Variants in RASAL2 observed in about 807,000 individuals in gnomAD.
RASAL2 encodes RAS protein activator like 2.
In RASAL2, 58 loss-of-function variants were observed where a neutral mutation model predicts 128.9. That is an observed-to-expected ratio of 0.45 (90% CI 0.36 to 0.56). The LOEUF is 0.56. Ranked by LOEUF, RASAL2 falls within the 20% of genes least tolerant of loss-of-function variation. The pLI is 0.00. For synonymous variants in RASAL2, 561 were observed against 580.8 expected (o/e 0.97, Z 0.49); for missense variants, 1,360 against 1,601.6 (o/e 0.85, Z 2.57).
At chr1:178,105,829 C>T (rs112490502) in intron 1 of RASAL2, among the ~76,000 whole-genome samples, 4 of 152,006 alleles carry the variant, frequency 2.6e-5, no homozygotes, top group African/African-American at 4.8e-5. Flanking sequence ...TGCACCACTG[C>T]GCCCAGCTAG....
chr1:178,430,238 A>C (rs1405173716), intron 5 of RASAL2, among the ~76,000 whole-genome samples: 1 of 152,102 alleles, frequency 6.6e-6, no homozygotes, highest in African/African-American at 2.4e-5. Context: ...CTCAGAAATT[A>C]CTGGACTCCA....
chr1:178,309,562 T>C (rs1668142129), intron 3 of RASAL2, among the ~76,000 whole-genome samples: 1 of 152,168 alleles, frequency 6.6e-6, no homozygotes, highest in Middle Eastern at 3.2e-3. Context: ...TTTGGAAGGA[T>C]GTATGTGGTA....
chr1:178,134,413 G>A (rs1050408450), intron 1 of RASAL2, among the ~76,000 whole-genome samples: 4 of 144,952 alleles, frequency 2.8e-5, no homozygotes, highest in South Asian at 2.2e-4. Flanking sequence ...AGCCGTGATC[G>A]TGGCATGGCA....
At chr1:178,373,560 A>C (rs1671838328) in intron 3 of RASAL2, among the ~76,000 whole-genome samples, 1 of 152,012 alleles carries the variant, frequency 6.6e-6, no homozygotes, top group Non-Finnish European at 1.5e-5. Flanking sequence ...CCAATCACTT[A>C]GACTCTACTA....
chr1:178,246,967 C>T (rs1032070679), intron 1 of RASAL2, among the ~76,000 whole-genome samples: 4 of 152,106 alleles, frequency 2.6e-5, no homozygotes, highest in African/African-American at 9.7e-5. Context: ...AATCAGTTTG[C>T]CAGTATTTTA....
At position 178,477,348 on chromosome 1, in the gene RASAL2, A is replaced by T. The variant is rs927835217; in HGVS notation, c.*4109A>T. ...AAAAGCAAGAAATGTTGGAGTGTTG[A>T]ATTTTTAAATAGAATCTCTTTTCAT... is the stretch of plus-strand genomic sequence containing the variant. On this transcript the variant is annotated 3_prime_UTR_variant, in exon 18 of 18. Coordinates refer to ENST00000367649, the MANE Select transcript of RASAL2 (RefSeq NM_170692.4). 6.6e-6 allele frequency: 1 copy of T among 152,212 alleles called. No homozygotes were observed. Among genetic ancestry groups the T allele is most frequent in the Non-Finnish European group, 1.5e-5 (1 of 68,044 alleles). The allele number at this position is 152,212 out of a possible 1,614,324, so 9.4% of individuals were successfully genotyped here.
chr1:178,449,561 GT>G (rs879371369), intron 9 of RASAL2, among the ~76,000 whole-genome samples: 15 of 149,706 alleles, frequency 1.0e-4, no homozygotes, highest in African/African-American at 3.2e-4. Context: ...TTTGGCTCTG[GT>G]TTTTTTTTCA....
intron 3 of RASAL2, chr1:178,341,527 A>C: frequency 1.2e-6 from 2 of 1,612,146 alleles, no homozygotes; most frequent in South Asian, 2.2e-5. Context: ...AGTACAGTAT[A>C]CAAAGTGTTT....
At chr1:178,362,414 A>G (rs111279236) in intron 3 of RASAL2, among the ~76,000 whole-genome samples, 29 of 152,032 alleles carry the variant, frequency 1.9e-4, no homozygotes, top group African/African-American at 3.1e-4. Context: ...GCAAATTAAC[A>G]TATCTGTTAT....
chr1:178,319,902 G>A (rs1302760825), intron 3 of RASAL2, among the ~76,000 whole-genome samples: 5 of 152,196 alleles, frequency 3.3e-5, no homozygotes, highest in South Asian at 2.1e-4. Context: ...TTTCTGTTCC[G>A]TTTTTTCTCC....
intron 1 of RASAL2, among the ~76,000 whole-genome samples, chr1:178,217,992 A>G (rs1201001534): frequency 6.6e-6 from 1 of 152,168 alleles, no homozygotes; most frequent in Non-Finnish European, 1.5e-5. Flanking sequence ...CTTCTATCTC[A>G]AGATGGAATA....
chr1:178,401,192 C>G (rs761407633), intron 4 of RASAL2, among the ~76,000 whole-genome samples: 1 of 152,178 alleles, frequency 6.6e-6, no homozygotes, highest in Admixed American at 6.5e-5. Context: ...TTCTTGATTA[C>G]CCAAAGTATG....
At chr1:178,427,791 CAT>C (rs1491150469) in intron 5 of RASAL2, among the ~76,000 whole-genome samples, 1 of 151,920 alleles carries the variant, frequency 6.6e-6, no homozygotes, top group African/African-American at 2.4e-5. Flanking sequence ...TTCATTTGTG[CAT>C]GTGTGTGTGT....
At chr1:178,147,306 T>C (rs948574823) in intron 1 of RASAL2, among the ~76,000 whole-genome samples, 1 of 151,778 alleles carries the variant, frequency 6.6e-6, no homozygotes, top group Admixed American at 6.6e-5. Context: ...CTGGGCAACA[T>C]GGCGGAACCC....
At chr1:178,464,235 G>T (rs77036310) in intron 14 of RASAL2, 43 bp from the exon 15 acceptor site, 12 of 1,565,532 alleles carry the variant, frequency 7.7e-6, no homozygotes, top group Non-Finnish European at 1.0e-5. Flanking sequence ...ATAGCACACG[G>T]GTGAGCTGTT....
rs115042015 is a variant in RASAL2 at position 178,388,113 on chromosome 1, C to T, written c.458-1987C>T. ...CATACTATATTGTAATATTAAATCT[C>T]CAGTGTCTTCTAATTTGATATGAGG... is the stretch of plus-strand genomic sequence containing the variant. On this transcript the variant is annotated intron_variant, in intron 3 of 17. Transcript: ENST00000367649. Among the ~76,000 whole-genome samples the T allele has an allele frequency of 2.1e-3, 322 of 152,184 alleles. 3 individuals are homozygous for T. Among genetic ancestry groups the T allele is most frequent in the African/African-American group, 7.3e-3 (302 of 41,522 alleles).
chr1:178,300,031 A>AC lies in RASAL2; in HGVS notation c.372dup (p.Lys125GlnfsTer27). The AC allele has an allele frequency of 6.2e-7, 1 of 1,613,938 alleles. No homozygotes were observed. Among genetic ancestry groups the AC allele is most frequent in the East Asian group, 2.2e-5 (1 of 44,874 alleles). ...GGGACAGGAGCAGCAGACAGATTCC[A>AC]CCAAAGGGCGATGCCTGAGGAGAAC... On this transcript the variant is annotated frameshift_variant, in exon 3 of 18. Coordinates refer to ENST00000367649, the MANE Select transcript of RASAL2 (RefSeq NM_170692.4). LOFTEE classifies it high-confidence loss of function.
intron 1 of RASAL2, among the ~76,000 whole-genome samples, chr1:178,259,122 CTTTTTTTTTTTTTTTTT>C (rs59978357): frequency 5.7e-5 from 4 of 70,546 alleles, no homozygotes; most frequent in Non-Finnish European, 7.7e-5. Flanking sequence ...AATGAAACTT[CTTTTTTTTTTTTTTTTT>C]TTTTTTTTTG....
chr1:178,221,807 C>G (rs532888982), intron 1 of RASAL2, among the ~76,000 whole-genome samples: 1 of 152,280 alleles, frequency 6.6e-6, no homozygotes, highest in South Asian at 2.1e-4. Flanking sequence ...CAACTATATT[C>G]TCACCGATTT....
Sources: allele counts gnomAD v4.1 joint callset (sites outside exome capture counted in the v4.1 genomes callset), GRCh38; gene constraint gnomAD v4.1.1; transcripts MANE v1.5; gene names NCBI Gene and HGNC (gene_info 2026-07-23, HGNC 2026-07-21).